The following LEPROTL1 variants were observed in gnomAD, a reference collection of about 807,000 sequenced individuals.
LEPROTL1 encodes the protein leptin receptor overlapping transcript like 1, also known as leptin receptor overlapping transcript-like 1.
Under a neutral mutation model 15.4 loss-of-function variants are expected in LEPROTL1, and 6 were observed. That is an observed-to-expected ratio of 0.39 (90% CI 0.21 to 0.77). The LOEUF is 0.77. LEPROTL1 is among the 30% of genes least tolerant of loss of function. LEPROTL1 has a pLI of 0.41. For synonymous variants in LEPROTL1, 56 were observed against 52.6 expected (o/e 1.06, Z -0.28); for missense variants, 128 against 158.1 (o/e 0.81, Z 1.02).
chr8:30,105,749 G>T lies in LEPROTL1; in HGVS notation c.283G>T (p.Glu95Ter). 1 of 1,591,326 alleles carries T rather than the reference G, an allele frequency of 6.3e-7. No homozygotes were observed. Among genetic ancestry groups the T allele is most frequent in the South Asian group, 1.1e-5 (1 of 89,582 alleles). Residue 95 changes from glutamate to a stop codon, truncating the protein, a stop_gained, in exon 4 of 4, where the codon GAG becomes TAG. Coordinates refer to ENST00000321250, the MANE Select transcript of LEPROTL1 (RefSeq NM_015344.3). LOFTEE classifies it high-confidence loss of function. ...PIVFARAHLIEWGACALVLTG... is the reference protein window; with the variant it reads ...PIVFARAHLI ...TGAGTGTATCTTATTTCCATAGATT[G>T]AGTGGGGAGCTTGTGCACTTGTTCT...
At chr8:30,120,394 T>A (rs1691848366) in intron 3 of LEPROTL1, among the ~76,000 whole-genome samples, 1 of 152,140 alleles carries the variant, frequency 6.6e-6, no homozygotes. Context: ...CATGATACTC[T>A]TTTAGTTGTA....
intron 3 of LEPROTL1, among the ~76,000 whole-genome samples, chr8:30,121,661 TC>T (rs747823874): frequency 6.6e-6 from 1 of 152,200 alleles, no homozygotes; most frequent in Non-Finnish European, 1.5e-5. Context: ...GTGTGTTTTT[TC>T]TGGGGCTGAC....
At chr8:30,134,124 T>TA (rs1803088085) in intron 4 of LEPROTL1, among the ~76,000 whole-genome samples, 1 of 152,164 alleles carries the variant, frequency 6.6e-6, no homozygotes, top group South Asian at 2.1e-4. Flanking sequence ...ATTTTTCTCT[T>TA]AAAAAACTTT....
At chr8:30,132,863 C>A in intron 4 of LEPROTL1, 1 of 1,548,230 alleles carries the variant, frequency 6.5e-7, no homozygotes, top group South Asian at 1.2e-5. Context: ...AGGGACGTGA[C>A]CCTCTGGGTC....
intron 3 of LEPROTL1, among the ~76,000 whole-genome samples, chr8:30,115,106 G>A (rs995362270): frequency 5.3e-5 from 8 of 152,278 alleles, no homozygotes; most frequent in African/African-American, 7.2e-5. Flanking sequence ...GCTCATGCCA[G>A]TATTCCCAGC....
intron 3 of LEPROTL1, among the ~76,000 whole-genome samples, chr8:30,120,352 C>T (rs146516473): frequency 9.9e-5 from 15 of 152,084 alleles, no homozygotes; most frequent in African/African-American, 3.1e-4. Flanking sequence ...AGAATAAGAA[C>T]TATCATAAGA....
In LEPROTL1 at chr8:30,136,052, C is replaced by T. The variant is rs533071840; in HGVS notation, c.395-1220C>T. ...CTGAAGATTTAAGAAAAACTGACCC[C>T]GTCACTTGACTGATTCTCACTGAAA... is the stretch of plus-strand genomic sequence containing the variant. On this transcript the variant is annotated intron_variant, in intron 4 of 4. Transcript: ENST00000442880. Among the ~76,000 whole-genome samples, 34 of 152,264 alleles carry T rather than the reference C, an allele frequency of 2.2e-4. 1 individual carries two copies. In the South Asian group the frequency reaches 6.4e-3, roughly 29 times the overall value.
intron 4 of LEPROTL1, among the ~76,000 whole-genome samples, chr8:30,135,424 G>A (rs970535952): frequency 1.3e-5 from 2 of 152,180 alleles, no homozygotes; most frequent in African/African-American, 2.4e-5. Context: ...GAAAAGATAG[G>A]AAGCTGAAGA....
intron 3 of LEPROTL1, among the ~76,000 whole-genome samples, chr8:30,119,112 TG>T (rs1440377276): frequency 3.9e-5 from 6 of 152,220 alleles, no homozygotes; most frequent in Non-Finnish European, 8.8e-5. Context: ...ATTGTGCCCC[TG>T]GTTTATCGAG....
chr8:30,127,426 G>A (rs1280839998), intron 3 of LEPROTL1, among the ~76,000 whole-genome samples: 1 of 152,194 alleles, frequency 6.6e-6, no homozygotes, highest in Non-Finnish European at 1.5e-5. Flanking sequence ...GTTTCCATGG[G>A]TTACTGAGCT....
Position 30,106,082 on chromosome 8 carries a change from C to T in LEPROTL1, c.*220C>T. ...TTGGAAAAGCTTGACTGATTTCACA[C>T]TTATCTATAGTATGCTTTTTGTGGT... On this transcript the variant is annotated 3_prime_UTR_variant, in exon 4 of 4. Transcript: ENST00000321250. 3.7e-6 allele frequency: 4 copies of T among 1,081,272 alleles called. No individual in the cohort carries two copies. The highest frequency in any genetic ancestry group is 4.5e-6 in the Non-Finnish European group (4 of 889,752). The allele number at this position is 1,081,272 out of a possible 1,614,324, so 67.0% of individuals were successfully genotyped here.
chr8:30,105,579 A>G (rs891109426), intron 3 of LEPROTL1, among the ~76,000 whole-genome samples, 167 bp from the exon 4 acceptor site: 1 of 148,012 alleles, frequency 6.8e-6, no homozygotes, highest in Admixed American at 6.8e-5. Flanking sequence ...TACTATATAT[A>G]TTTATACTAT....
In LEPROTL1 at chr8:30,107,241, T is replaced by C. The variant is rs1331130702; in HGVS notation, c.*1379T>C. On this transcript the variant is annotated 3_prime_UTR_variant, in exon 4 of 4. Coordinates refer to ENST00000321250, the MANE Select transcript of LEPROTL1 (RefSeq NM_015344.3). ...TATATAGCAGCTTCAGAAACATACC[T>C]GACCAAAAAATTCCCAGTAACCAGG... 2 of 985,372 alleles carry C rather than the reference T, an allele frequency of 2.0e-6. No homozygotes were observed. The highest frequency in any genetic ancestry group is 2.4e-6 in the Non-Finnish European group (2 of 829,944). 61.0% of individuals were successfully genotyped at this position (985,372 alleles called of 1,614,324 possible). A position where few individuals can be genotyped will look rare whatever the true frequency, so the allele number is the denominator to read the frequency against.
chr8:30,097,696 TATACACAC>T (rs1802393761), intron 1 of LEPROTL1, among the ~76,000 whole-genome samples: 2 of 108,984 alleles, frequency 1.8e-5, no homozygotes, highest in African/African-American at 6.8e-5. Context: ...TATATATATA[TATACACAC>T]ACACACACAC....
chr8:30,099,437 C>CAA (rs1379040016), intron 1 of LEPROTL1, among the ~76,000 whole-genome samples: 9 of 131,828 alleles, frequency 6.8e-5, no homozygotes, highest in African/African-American at 1.9e-4. Context: ...ACTAAAAATA[C>CAA]AAAAAAAAAA....
chr8:30,100,691 C>T (rs1218329060), intron 1 of LEPROTL1, among the ~76,000 whole-genome samples: 3 of 152,332 alleles, frequency 2.0e-5, no homozygotes, highest in South Asian at 2.1e-4. Flanking sequence ...CCTCATGATC[C>T]GCCCGCCTTG....
At chr8:30,136,326 T>C (rs183281269) in intron 4 of LEPROTL1, among the ~76,000 whole-genome samples, 1 of 151,936 alleles carries the variant, frequency 6.6e-6, no homozygotes, top group Admixed American at 6.6e-5. Flanking sequence ...GACAGAGGAG[T>C]GACCATCACG....
At chr8:30,116,004 G>A (rs2117505550) in intron 3 of LEPROTL1, among the ~76,000 whole-genome samples, 1 of 152,230 alleles carries the variant, frequency 6.6e-6, no homozygotes, top group East Asian at 1.9e-4. Flanking sequence ...ATATTGGGAG[G>A]CCAAGCTGGG....
chr8:30,137,366 T>C (rs1338918600), exon 5 of LEPROTL1: 1 of 1,551,592 alleles, frequency 6.4e-7, no homozygotes, highest in Non-Finnish European at 8.7e-7. Context: ...GCAGCCGCCA[T>C]GAGAAGATTG....
Sources: allele counts gnomAD v4.1 joint callset (sites outside exome capture counted in the v4.1 genomes callset), GRCh38; gene constraint gnomAD v4.1.1; transcripts MANE v1.5; gene names NCBI Gene and HGNC (gene_info 2026-07-23, HGNC 2026-07-21).